FHIT: variants seen among roughly 807,000 people sequenced by gnomAD.
FHIT encodes fragile histidine triad diadenosine triphosphatase.
In FHIT, 19 loss-of-function variants were observed where a neutral mutation model predicts 17.9. That is an observed-to-expected ratio of 1.06 (90% confidence interval 0.74 to 1.56). FHIT has a LOEUF of 1.56. Ranked by LOEUF, FHIT falls within the 40% of genes most tolerant of loss-of-function variation. FHIT has a pLI of 0.00. For synonymous variants in FHIT, 81 were observed against 69.7 expected, an observed-to-expected ratio of 1.16 and a Z score of -0.81; for missense variants, 248 against 189.2, an observed-to-expected ratio of 1.31 and a Z score of -1.82.
At chr3:59,987,500 T>C (rs893007077) in intron 7 of FHIT, among the ~76,000 whole-genome samples, 23 of 152,086 alleles carry the variant, frequency 1.5e-4, no homozygotes, top group African/African-American at 5.1e-4. Flanking sequence ...AGTAATTAGA[T>C]GTTTTAACAC....
intron 8 of FHIT, among the ~76,000 whole-genome samples, chr3:59,826,424 T>C (rs1700980941): frequency 6.6e-6 from 1 of 152,236 alleles, no homozygotes; most frequent in Non-Finnish European, 1.5e-5. Flanking sequence ...TAGCCTAATA[T>C]ATATTGTACT....
chr3:60,012,756 T>G (rs1700190519), intron 6 of FHIT, among the ~76,000 whole-genome samples: 1 of 152,200 alleles, frequency 6.6e-6, no homozygotes, highest in African/African-American at 2.4e-5. Context: ...AAAAATAGTT[T>G]GACCACATTG....
chr3:59,796,224 C>T (rs1349789093), intron 8 of FHIT, among the ~76,000 whole-genome samples: 2 of 152,292 alleles, frequency 1.3e-5, no homozygotes, highest in Non-Finnish European at 2.9e-5. Flanking sequence ...CTTTCATCTC[C>T]TCTAATGGTG....
chr3:60,567,304 C>T (rs6802917), intron 4 of FHIT, among the ~76,000 whole-genome samples: 17,618 of 150,002 alleles, frequency 0.12, 1,047 homozygotes, highest in Middle Eastern at 0.19. Flanking sequence ...GAAATAATGC[C>T]ACATATCTAC....
chr3:59,775,029 T>C (rs1443705065), intron 8 of FHIT, among the ~76,000 whole-genome samples: 1 of 152,206 alleles, frequency 6.6e-6, no homozygotes, highest in East Asian at 1.9e-4. Context: ...AAGAAATTCA[T>C]AGGCACATTA....
At chr3:60,608,600 A>G (rs1203880092) in intron 4 of FHIT, among the ~76,000 whole-genome samples, 3 of 152,172 alleles carry the variant, frequency 2.0e-5, no homozygotes, top group African/African-American at 7.2e-5. Context: ...CCACCAGGAA[A>G]AAAAGGAGTT....
chr3:60,651,771 G>A (rs563444707), intron 4 of FHIT, among the ~76,000 whole-genome samples: 44 of 152,132 alleles, frequency 2.9e-4, no homozygotes, highest in African/African-American at 9.4e-4. Flanking sequence ...ATTAACAAAC[G>A]GTTGACATAA....
intron 4 of FHIT, among the ~76,000 whole-genome samples, chr3:60,593,762 A>T (rs2107700502): frequency 6.6e-6 from 1 of 152,220 alleles, no homozygotes; most frequent in East Asian, 1.9e-4. Context: ...CCCTTTCTCC[A>T]AGCTGACATC....
At chr3:60,141,129 C>T (rs1700022816) in intron 5 of FHIT, among the ~76,000 whole-genome samples, 1 of 152,030 alleles carries the variant, frequency 6.6e-6, no homozygotes, top group African/African-American at 2.4e-5. Context: ...TACTGTGCAG[C>T]CATTTCGAGG....
intron 5 of FHIT, among the ~76,000 whole-genome samples, chr3:60,171,799 G>A (rs1329074073): frequency 6.6e-6 from 1 of 152,010 alleles, no homozygotes; most frequent in Non-Finnish European, 1.5e-5. Flanking sequence ...TCGAACTTCT[G>A]GGCTCAAGCA....
chr3:59,828,840 ACT>A (rs71930247), intron 8 of FHIT, among the ~76,000 whole-genome samples: 388 of 12,534 alleles, frequency 0.031, 3 homozygotes, highest in South Asian at 0.29. Flanking sequence ...AACCAATGGT[ACT>A]CTCTCTGTGT....
chr3:59,951,490 C>A (rs1017809459), intron 7 of FHIT, among the ~76,000 whole-genome samples: 1 of 152,174 alleles, frequency 6.6e-6, no homozygotes, highest in African/African-American at 2.4e-5. Flanking sequence ...TTTACCCAGA[C>A]AAGGAACTCT....
intron 2 of FHIT, among the ~76,000 whole-genome samples, chr3:61,095,631 C>CA (rs550653564): frequency 3.9e-4 from 60 of 152,148 alleles, no homozygotes; most frequent in Non-Finnish European, 7.3e-4. Flanking sequence ...TCCATTGCCC[C>CA]AACCTTAAAG....
At chr3:60,333,129 A>G (rs534343002) in intron 5 of FHIT, among the ~76,000 whole-genome samples, 2 of 152,332 alleles carry the variant, frequency 1.3e-5, no homozygotes, top group South Asian at 4.1e-4. Flanking sequence ...GACTTATAAC[A>G]TTGGCTGAAT....
At chr3:59,773,965 C>T (rs1425292081) in intron 8 of FHIT, among the ~76,000 whole-genome samples, 1 of 151,910 alleles carries the variant, frequency 6.6e-6, no homozygotes, top group Non-Finnish European at 1.5e-5. Flanking sequence ...TGTTAATTAC[C>T]TACTGAAATA....
chr3:60,426,823 G>C (rs1702685667), intron 5 of FHIT, among the ~76,000 whole-genome samples: 1 of 152,024 alleles, frequency 6.6e-6, no homozygotes. Context: ...TGCTTTACTA[G>C]ACAGTGCTCT....
chr3:60,076,207 T>G (rs1417749223), intron 5 of FHIT, among the ~76,000 whole-genome samples: 3 of 152,068 alleles, frequency 2.0e-5, no homozygotes, highest in African/African-American at 7.2e-5. Flanking sequence ...CCTTAAAAGC[T>G]CTTCCCTTTT....
At chr3:60,734,455 T>G (rs1333015410) in intron 4 of FHIT, among the ~76,000 whole-genome samples, 1 of 152,104 alleles carries the variant, frequency 6.6e-6, no homozygotes, top group African/African-American at 2.4e-5. Context: ...CAGGCTGGAG[T>G]GCAGTGATAC....
At chr3:60,668,985 C>G (rs1293909481) in intron 4 of FHIT, among the ~76,000 whole-genome samples, 3 of 152,150 alleles carry the variant, frequency 2.0e-5, no homozygotes, top group Non-Finnish European at 4.4e-5. Flanking sequence ...GACCAGAAAT[C>G]TGTTTATTAT....
Sources: gnomAD v4.1 joint callset for allele counts (sites outside exome capture counted in the v4.1 genomes callset) on GRCh38, gnomAD v4.1.1 for gene constraint, MANE v1.5 for transcripts, NCBI Gene and HGNC (gene_info 2026-07-23, HGNC 2026-07-21) for gene names.